KIF13A: variants seen among roughly 807,000 people sequenced by gnomAD.
KIF13A encodes kinesin family member 13A, also known as kinesin-like protein KIF13A.
In KIF13A, 79 loss-of-function variants were observed where a neutral mutation model predicts 212.2. The observed-to-expected ratio is 0.37, with a 90% CI of 0.31 to 0.45. The LOEUF is 0.45. Ranked by LOEUF, KIF13A falls within the 20% of genes least tolerant of loss-of-function variation. KIF13A has a pLI of 1.00. For synonymous variants in KIF13A, 789 were observed against 808.6 expected (o/e 0.98, Z 0.41); for missense variants, 1,901 against 2,209.0 (o/e 0.86, Z 2.79).
At chr6:17,800,603 A>AT (rs35331549) in intron 20 of KIF13A, among the ~76,000 whole-genome samples, 88,966 of 137,756 alleles carry the variant, frequency 0.65, 28,604 homozygotes, top group South Asian at 0.78. Context: ...CGCCCAGCTA[A>AT]TTTTTTTTTT....
Position 17,886,389 on chromosome 6 carries a change from T to A in KIF13A, c.159+11779A>T, listed in dbSNP as rs560128863. Among the ~76,000 whole-genome samples the A allele has an allele frequency of 1.3e-4, 20 of 152,242 alleles. No homozygotes were observed. The South Asian group carries it at 3.9e-3, about 30-fold the overall frequency. ...CAGTCCAGGGGTTGCAAACATTTACTCCCAGTTAAGTTACGCTGCAAAGGA... is the reference window on the plus strand; with the variant it reads ...CAGTCCAGGGGTTGCAAACATTTACACCCAGTTAAGTTACGCTGCAAAGGA... On this transcript the variant is annotated intron_variant, in intron 3 of 38. Transcript: ENST00000259711. The surrounding 1 kb of genome is among the most constrained non-coding windows in gnomAD (Gnocchi z 5.6).
rs1301681631 is a variant in KIF13A at position 17,771,072 on chromosome 6, C to T, written c.4581+42G>A. Reference sequence around the variant, plus strand: ...TGATTGTCTGTGAAAGGGCCTTAAACCCACCACCAGGCAATATGACAGAAA... The same window carrying T: ...TGATTGTCTGTGAAAGGGCCTTAAATCCACCACCAGGCAATATGACAGAAA... On this transcript the variant is annotated intron_variant, in intron 38 of 38. Transcript: ENST00000259711. The surrounding 1 kb of genome is among the most constrained non-coding windows in gnomAD (Gnocchi z 5.4). 7.4e-7 allele frequency: 1 copy of T among 1,353,700 alleles called. No individual in the cohort carries two copies. The highest frequency in any genetic ancestry group is 1.0e-6 in the Non-Finnish European group (1 of 955,780). 83.9% of individuals were successfully genotyped at this position (1,353,700 alleles called of 1,614,324 possible). A position where few individuals can be genotyped will look rare whatever the true frequency, so the allele number is the denominator to read the frequency against.
intron 2 of KIF13A, chr6:17,953,533 G>A (rs1374932377): frequency 6.6e-6 from 1 of 152,368 alleles, no homozygotes; most frequent in East Asian, 1.9e-4. Context: ...AGGCTTGGGT[G>A]CGCTGAAGAT....
chr6:17,905,884 C>T (rs1255535761), intron 2 of KIF13A, among the ~76,000 whole-genome samples: 1 of 152,134 alleles, frequency 6.6e-6, no homozygotes, highest in Non-Finnish European at 1.5e-5. Context: ...TTTTGCAGGA[C>T]AGTAGGTACC....
chr6:17,821,860 C>T (rs781565062), intron 16 of KIF13A: 4 of 1,535,198 alleles, frequency 2.6e-6, no homozygotes, highest in Middle Eastern at 3.3e-4. Flanking sequence ...ATAAGACCAC[C>T]AAGGGGATGA....
intron 2 of KIF13A, among the ~76,000 whole-genome samples, chr6:17,964,421 CT>C (rs1779119705): frequency 6.6e-6 from 1 of 152,008 alleles, no homozygotes; most frequent in African/African-American, 2.4e-5. Context: ...AGTAATTGTA[CT>C]TTATTCTCTA....
rs146979169 is a variant in KIF13A at position 17,984,937 on chromosome 6, G to A, written c.146+2117C>T. 9.2e-5 allele frequency among the ~76,000 whole-genome samples: 14 copies of A among 152,282 alleles called. No individual in the cohort carries two copies. Among genetic ancestry groups the A allele is most frequent in the Admixed American group, 2.0e-4 (3 of 15,308 alleles). ...ATTAATCAACCCAGAGCCCAAGGGA[G>A]GAATTGTTTCTATTTTTAAATGCAC... On this transcript the variant is annotated intron_variant, in intron 2 of 38. Transcript: ENST00000259711. The surrounding 1 kb of genome is among the most constrained non-coding windows in gnomAD (Gnocchi z 5.0).
Position 17,794,858 on chromosome 6 carries a change from A to C in KIF13A, c.2943-154T>G. ...CTTCCTTATTTAACTCTCAAAACCA[A>C]CCTGTCATATTGTTTCTTTTTATTT... On this transcript the variant is annotated intron_variant, in intron 23 of 38. Transcript: ENST00000259711. This position sits in a 1 kb window ranked among gnomAD's most constrained non-coding sequence, Gnocchi z 4.1. 1.5e-6 allele frequency: 1 copy of C among 669,184 alleles called. No homozygotes were observed. The highest frequency in any genetic ancestry group is 2.4e-6 in the Non-Finnish European group (1 of 414,014). 41.5% of individuals were successfully genotyped at this position (669,184 alleles called of 1,614,324 possible).
rs1561838975 is a variant in KIF13A, at chr6:17,984,002, CCCT to C, written c.146+3049_146+3051del. 1.3e-5 allele frequency among the ~76,000 whole-genome samples: 2 copies of C among 152,182 alleles called. No individual in the cohort carries two copies. The highest frequency in any genetic ancestry group is 4.8e-5 in the African/African-American group (2 of 41,432). Reference sequence around the variant, plus strand: ...CAGGACCTTGGGTAGCATCCACAGCCCCTCCTCAATGCTCCCATCACATTTGCT... The same window carrying C: ...CAGGACCTTGGGTAGCATCCACAGCCCCTCAATGCTCCCATCACATTTGCT... On this transcript the variant is annotated intron_variant, in intron 2 of 38. Coordinates refer to ENST00000259711, the MANE Select transcript of KIF13A (RefSeq NM_022113.6). The surrounding 1 kb of genome is among the most constrained non-coding windows in gnomAD (Gnocchi z 5.0).
rs1428041430 is a variant in KIF13A, at chr6:17,837,796, A to G, written c.831-213T>C. On this transcript the variant is annotated intron_variant, in intron 9 of 38. Transcript: ENST00000259711. This position sits in a 1 kb window ranked among gnomAD's most constrained non-coding sequence, Gnocchi z 5.4. ...GTGAAACTCTGTCTCTACTAAAAAT[A>G]CAAAAAATTAGCTGGGCGTGGTGGC... is the stretch of plus-strand genomic sequence containing the variant. Among the ~76,000 whole-genome samples, 1 of 152,004 alleles carries G rather than the reference A, an allele frequency of 6.6e-6. No individual in the cohort carries two copies. The highest frequency in any genetic ancestry group is 1.5e-5 in the Non-Finnish European group (1 of 68,006).
At chr6:17,854,940 A>T (rs553380875) in intron 6 of KIF13A, among the ~76,000 whole-genome samples, 20 of 152,278 alleles carry the variant, frequency 1.3e-4, no homozygotes, top group African/African-American at 4.3e-4. Flanking sequence ...GTTAAAAAAA[A>T]TATAGATCCC....
chr6:17,836,814 C>A (rs946998035), intron 11 of KIF13A, 64 bp downstream of exon 11: 1 of 1,438,390 alleles, frequency 7.0e-7, no homozygotes, highest in South Asian at 1.2e-5. Flanking sequence ...ATGAGCACAC[C>A]CTTGCCAGTC....
At chr6:17,840,410 T>C (rs1007853322) in intron 9 of KIF13A, among the ~76,000 whole-genome samples, 2 of 152,232 alleles carry the variant, frequency 1.3e-5, no homozygotes, top group Admixed American at 6.5e-5. Context: ...TTTGCAACTA[T>C]TGATATTTTT....
At chr6:17,857,203 A>C (rs974630468) in intron 4 of KIF13A, among the ~76,000 whole-genome samples, 2 of 152,164 alleles carry the variant, frequency 1.3e-5, no homozygotes, top group Non-Finnish European at 2.9e-5. Flanking sequence ...TGACTGCAGG[A>C]TGAGACTCTT....
chr6:17,794,690 G>T lies in KIF13A; in HGVS notation c.2957C>A (p.Thr986Lys). Residue 986 changes from threonine to lysine, a missense_variant, in exon 24 of 39, where the codon ACG becomes AAG. Physicochemically the swap from Thr to Lys is moderately conservative, Grantham distance 78 (BLOSUM62 -1). Around this residue, in one of 5 missense-constraint regions of KIF13A, gnomAD observed 168 missense variants for 250.9 expected, o/e 0.67. Transcript: ENST00000259711. The surrounding 1 kb of genome is among the most constrained non-coding windows in gnomAD (Gnocchi z 4.1). The part of the protein sequence containing the change: ...RTLHDRWNEV[T>K]RRIEMWISIL... ...GGAGATCCACATTTCTATTCTTCGC[G>T]TTACTTCATTCCACCTGCAGAAACA... 6.2e-7 allele frequency: 1 copy of T among 1,609,814 alleles called. No individual in the cohort carries two copies. The highest frequency in any genetic ancestry group is 8.5e-7 in the Non-Finnish European group (1 of 1,179,020).
chr6:17,924,188 A>G (rs1202088173), intron 2 of KIF13A, among the ~76,000 whole-genome samples: 3 of 152,216 alleles, frequency 2.0e-5, no homozygotes, highest in Admixed American at 6.5e-5. Context: ...CTAAGCATGT[A>G]TTTCAGAAAC....
At chr6:17,928,100 T>A (rs1273358292) in intron 2 of KIF13A, among the ~76,000 whole-genome samples, 1 of 152,206 alleles carries the variant, frequency 6.6e-6, no homozygotes, top group East Asian at 1.9e-4. Context: ...AATTTAGGTA[T>A]CTACTTCCCA....
intron 4 of KIF13A, among the ~76,000 whole-genome samples, chr6:17,859,304 A>G (rs1430591258): frequency 6.6e-6 from 1 of 152,098 alleles, no homozygotes; most frequent in East Asian, 1.9e-4. Context: ...TCCCCAGCAT[A>G]TAAAAATACA....
intron 2 of KIF13A, among the ~76,000 whole-genome samples, chr6:17,958,235 A>G (rs192550581): frequency 6.6e-6 from 1 of 152,306 alleles, no homozygotes; most frequent in African/African-American, 2.4e-5. Context: ...TTCATCTACT[A>G]TCGCTAGATG....
Sources: allele counts gnomAD v4.1 joint callset (sites outside exome capture counted in the v4.1 genomes callset), GRCh38; gene constraint gnomAD v4.1.1; regional missense constraint gnomAD v4.1.1; non-coding constraint Gnocchi (gnomAD v3.1); transcripts MANE v1.5; gene names NCBI Gene and HGNC (gene_info 2026-07-23, HGNC 2026-07-21).